The following DENND6A variants were observed in gnomAD, a reference collection of about 807,000 sequenced individuals.
DENND6A encodes the protein protein DENND6A.
DENND6A carries 43 observed loss-of-function variants against 95.5 expected under a neutral mutation model. The ratio of observed to expected loss-of-function variants is 0.45; its 90% confidence interval spans 0.35 to 0.58. The LOEUF is 0.58. Among genes scored for constraint, DENND6A ranks in the 20% least tolerant of loss-of-function variants. The probability of loss-of-function intolerance (pLI) is 0.00; values close to 1 mark genes in which losing one functional copy is unlikely to be tolerated. For missense variants in DENND6A, 574 were observed against 736.0 expected (o/e 0.78, Z 2.55); for synonymous variants, 257 against 260.4 (o/e 0.99, Z 0.13).
chr3:57,662,173 CTTTTCTT>C (rs1559821096), intron 5 of DENND6A, among the ~76,000 whole-genome samples: 2 of 114,156 alleles, frequency 1.8e-5, no homozygotes, highest in African/African-American at 6.2e-5. Context: ...TTGTTTCTTT[CTTTTCTT>C]TTTTCTTTTT....
At chr3:57,651,998 G>C (rs2071219324) in intron 9 of DENND6A, among the ~76,000 whole-genome samples, 1 of 152,088 alleles carries the variant, frequency 6.6e-6, no homozygotes, top group South Asian at 2.1e-4. Context: ...AAGAGTTTAA[G>C]ACTGGCCTGG....
At chr3:57,648,731 A>T (rs2071131789) in intron 9 of DENND6A, among the ~76,000 whole-genome samples, 2 of 152,192 alleles carry the variant, frequency 1.3e-5, no homozygotes, top group Admixed American at 1.3e-4. Context: ...CAGTCAACTG[A>T]TCTTCAACAA....
intron 12 of DENND6A, among the ~76,000 whole-genome samples, chr3:57,639,001 G>A (rs1456990496): frequency 6.6e-6 from 1 of 152,184 alleles, no homozygotes; most frequent in Non-Finnish European, 1.5e-5. Flanking sequence ...GGGAGGCTGA[G>A]GCAGAAGGAT....
At chr3:57,666,831 A>C (rs2071531546) in intron 3 of DENND6A, among the ~76,000 whole-genome samples, 1 of 152,160 alleles carries the variant, frequency 6.6e-6, no homozygotes, top group Non-Finnish European at 1.5e-5. Flanking sequence ...AAAATTCCCC[A>C]ATTTGACCTA....
chr3:57,653,101 G>A (rs1031903722), intron 9 of DENND6A, among the ~76,000 whole-genome samples: 1 of 152,192 alleles, frequency 6.6e-6, no homozygotes, highest in Non-Finnish European at 1.5e-5. Flanking sequence ...CAAGTCGCCA[G>A]CTTACTACCA....
chr3:57,656,371 T>G (rs187255775), intron 9 of DENND6A, among the ~76,000 whole-genome samples: 3 of 152,236 alleles, frequency 2.0e-5, no homozygotes, highest in Non-Finnish European at 2.9e-5. Context: ...TTTTTTTAAC[T>G]GCTGAATAGT....
rs1241771885 is a variant in DENND6A, at chr3:57,627,794, CT to C, written c.*419del. The C allele has an allele frequency of 6.1e-6, 1 of 163,366 alleles. No homozygotes were observed. The highest frequency in any genetic ancestry group is 5.8e-5 in the Admixed American group (1 of 17,318). 10.1% of individuals were successfully genotyped at this position (163,366 alleles called of 1,614,324 possible). On this transcript the variant is annotated 3_prime_UTR_variant, in exon 20 of 20. Coordinates refer to ENST00000311128, the MANE Select transcript of DENND6A (RefSeq NM_152678.3). ...CCTTCTAACCATAGGACAGTTCAGT[CT>C]TTCTGTTCTTAAGAAGATAGCCAGT...
intron 9 of DENND6A, among the ~76,000 whole-genome samples, chr3:57,657,178 G>A (rs2071343340): frequency 6.6e-6 from 1 of 152,086 alleles, no homozygotes; most frequent in Non-Finnish European, 1.5e-5. Context: ...TCTTTTCTAA[G>A]TGCTAACAGT....
chr3:57,661,558 AAAAAAC>A lies in DENND6A; in HGVS notation c.514-13_514-8del. ...TGCTGATCAAAACCAAGGACTGAGGAAAAAACAAAAACAATGTTTTAAAAATTGCTT... is the reference window on the plus strand; with the variant it reads ...TGCTGATCAAAACCAAGGACTGAGGAAAAAACAATGTTTTAAAAATTGCTT... On this transcript the variant is annotated splice_region_variant and splice_polypyrimidine_tract_variant and intron_variant, in intron 5 of 19. Transcript: ENST00000311128. 1 of 1,563,870 alleles carries A rather than the reference AAAAAAC, an allele frequency of 6.4e-7. No individual in the cohort carries two copies. Among genetic ancestry groups the A allele is most frequent in the Non-Finnish European group, 8.6e-7 (1 of 1,164,028 alleles).
At chr3:57,683,550 A>T (rs1029123587) in intron 1 of DENND6A, among the ~76,000 whole-genome samples, 3 of 152,242 alleles carry the variant, frequency 2.0e-5, no homozygotes, top group African/African-American at 7.2e-5. Flanking sequence ...GCATTTTGCC[A>T]ACTAAAGGAT....
intron 9 of DENND6A, among the ~76,000 whole-genome samples, chr3:57,648,451 A>G (rs537006376): frequency 8.5e-5 from 13 of 152,180 alleles, no homozygotes; most frequent in Non-Finnish European, 1.8e-4. Context: ...ATTCAACGCA[A>G]TTCCCATCAA....
intron 1 of DENND6A, 47 bp downstream of exon 1, chr3:57,692,735 C>A: frequency 7.2e-7 from 1 of 1,387,836 alleles, no homozygotes; most frequent in Non-Finnish European, 9.3e-7. Context: ...CTGCAGCCGC[C>A]CCGGCGCAGG....
rs1458895360 is a variant in DENND6A, at chr3:57,646,404, G to T, written c.853C>A (p.Leu285Ile). The stretch of plus-strand genomic sequence containing the variant: ...TCCCCCAACAGCACCAGCTCCCAGA[G>T]CATCTGACTATGAAGGAAAACTGGG... ...FCPVFLHSQM[L>I]WELVLLGEPL... The change falls in exon 10 of 20, where the codon CTC becomes ATC. Residue 285 changes from leucine (L) to isoleucine (I), a missense_variant. Leu to Ile is a conservative substitution (Grantham distance 5). Around this residue, in one of 2 missense-constraint regions of DENND6A, gnomAD observed 452 missense variants for 630.9 expected, o/e 0.72. Coordinates refer to ENST00000311128, the MANE Select transcript of DENND6A (RefSeq NM_152678.3). 1.2e-6 allele frequency: 2 copies of T among 1,613,844 alleles called. No individual in the cohort carries two copies. The highest frequency in any genetic ancestry group is 2.2e-5 in the East Asian group (1 of 44,892).
At chr3:57,688,580 A>G (rs577448224) in intron 1 of DENND6A, among the ~76,000 whole-genome samples, 1 of 152,146 alleles carries the variant, frequency 6.6e-6, no homozygotes, top group East Asian at 1.9e-4. Flanking sequence ...AGTACCATGG[A>G]AACCCAAAGT....
intron 1 of DENND6A, among the ~76,000 whole-genome samples, chr3:57,676,982 C>A (rs1361777247): frequency 1.3e-5 from 2 of 152,212 alleles, no homozygotes; most frequent in Admixed American, 6.5e-5. Flanking sequence ...CACCACCATG[C>A]CCAGTTAATT....
chr3:57,642,658 A>G (rs1246310191), intron 11 of DENND6A, among the ~76,000 whole-genome samples: 1 of 152,136 alleles, frequency 6.6e-6, no homozygotes, highest in Non-Finnish European at 1.5e-5. Flanking sequence ...GCAAAGGGAA[A>G]CTACCAGATA....
chr3:57,644,549 C>T (rs1181500111), intron 11 of DENND6A, among the ~76,000 whole-genome samples: 1 of 150,772 alleles, frequency 6.6e-6, no homozygotes. Flanking sequence ...CTTAAGTGAT[C>T]TGCCCGCCTC....
rs1559823469 is a variant in DENND6A, at chr3:57,666,180, C to T, written c.375G>A (p.Arg125=). 1 of 1,613,590 alleles carries T rather than the reference C, an allele frequency of 6.2e-7. No homozygotes were observed. Among genetic ancestry groups the T allele is most frequent in the Admixed American group, 1.7e-5 (1 of 59,980 alleles). Residue 125 remains arginine, a synonymous_variant, in exon 4 of 20, where the codon AGG becomes AGA. Transcript: ENST00000311128. ...CFRFRQSSGR[R]VSLHCLLDQF... is the part of the protein sequence containing the mutation. ...GATCCAGGAGACAATGCAGCGACAC[C>T]CTCCTCCCAGAAGACTGTCGAAATC...
rs74781706 is a variant in DENND6A at position 57,633,142 on chromosome 3, A to G, written c.1353+123T>C. ...TCTCTTGCAAAGGGGTTTATTTTTAATCACTAAATATACCAGGCTGGCAAA... is the reference window on the plus strand; with the variant it reads ...TCTCTTGCAAAGGGGTTTATTTTTAGTCACTAAATATACCAGGCTGGCAAA... On this transcript the variant is annotated intron_variant, in intron 15 of 19. Coordinates refer to ENST00000311128, the MANE Select transcript of DENND6A (RefSeq NM_152678.3). 3.3e-3 allele frequency: 2,608 copies of G among 782,142 alleles called. 45 individuals carry two copies. The African/African-American group carries it at 0.04, about 12-fold the overall frequency. The allele number at this position is 782,142 out of a possible 1,614,324, so 48.5% of individuals were successfully genotyped here.
Sources: gnomAD v4.1 joint callset for allele counts (sites outside exome capture counted in the v4.1 genomes callset) on GRCh38, gnomAD v4.1.1 for gene constraint, gnomAD v4.1.1 regional missense constraint, MANE v1.5 for transcripts, NCBI Gene and HGNC (gene_info 2026-07-23, HGNC 2026-07-21) for gene names.